The following VASP variants were observed in gnomAD, a reference collection of about 807,000 sequenced individuals.
VASP encodes vasodilator-stimulated phosphoprotein.
Under a neutral mutation model 54.4 loss-of-function variants are expected in VASP, and 27 were observed. The ratio of observed to expected loss-of-function variants is 0.50; its 90% CI spans 0.37 to 0.68. The LOEUF (loss-of-function observed/expected upper bound fraction) is 0.68, where lower values mean the gene tolerates loss of function less well. VASP is among the 30% of genes least tolerant of loss of function. The pLI is 0.00. For synonymous variants in VASP, 233 were observed against 209.8 expected (o/e 1.11, Z -0.96); for missense variants, 488 against 528.3 (o/e 0.92, Z 0.75).
chr19:45,519,894 CTTTTTTT>C (rs57892194), intron 3 of VASP, among the ~76,000 whole-genome samples: 1,070 of 50,946 alleles, frequency 0.021, 12 homozygotes, highest in South Asian at 0.049. Context: ...TGCGCCCGGC[CTTTTTTT>C]TTTTTTTTTT....
At chr19:45,523,498 A>G in intron 7 of VASP, 146 bp from the exon 8 acceptor site, 1 of 916,460 alleles carries the variant, frequency 1.1e-6, no homozygotes, top group Non-Finnish European at 1.7e-6. Flanking sequence ...CGCCCAGCAC[A>G]ATCTCTTGAA....
chr19:45,513,962 G>C (rs564820973), intron 1 of VASP, among the ~76,000 whole-genome samples: 1 of 152,350 alleles, frequency 6.6e-6, no homozygotes, highest in African/African-American at 2.4e-5. Flanking sequence ...GAACAACTGG[G>C]ACACAAATTT....
chr19:45,509,417 G>A (rs1968555215), intron 1 of VASP, among the ~76,000 whole-genome samples: 1 of 152,034 alleles, frequency 6.6e-6, no homozygotes, highest in Non-Finnish European at 1.5e-5. Flanking sequence ...CCGGTCCCAG[G>A]CTCGGTGGAA....
In VASP at chr19:45,524,718, C is replaced by T. The variant is rs1968922457; in HGVS notation, c.1047+58C>T. The T allele has an allele frequency of 7.3e-6, 11 of 1,509,200 alleles. No homozygotes were observed. The East Asian group carries it at 1.4e-4, about 19-fold the overall frequency. 93.5% of individuals were successfully genotyped at this position (1,509,200 alleles called of 1,614,324 possible). ...AGAGAGATCTAGGTCTGGCCCCTGCCACTGGCATGCCGTATGATCCTAGAT... is the reference window on the plus strand; with the variant it reads ...AGAGAGATCTAGGTCTGGCCCCTGCTACTGGCATGCCGTATGATCCTAGAT... On this transcript the variant is annotated intron_variant, in intron 11 of 12. Coordinates refer to ENST00000245932, the MANE Select transcript of VASP (RefSeq NM_003370.4).
chr19:45,523,555 A>G (rs1968891711), intron 7 of VASP, 89 bp from the exon 8 acceptor site: 3 of 1,454,664 alleles, frequency 2.1e-6, no homozygotes, highest in Admixed American at 2.1e-5. Flanking sequence ...CCAGAATTCT[A>G]TGCGCTAGGA....
At chr19:45,517,291 C>G (rs1968723408) in intron 1 of VASP, among the ~76,000 whole-genome samples, 1 of 151,960 alleles carries the variant, frequency 6.6e-6, no homozygotes, top group Admixed American at 6.6e-5. Context: ...CACGCCAAGA[C>G]CATCTTTATC....
At chr19:45,522,019 T>G (rs1968846387) in intron 4 of VASP, 149 bp from the exon 5 acceptor site, 1 of 967,910 alleles carries the variant, frequency 1.0e-6, no homozygotes, top group African/African-American at 1.6e-5. Context: ...CCAGCCCCCT[T>G]CTTGGTTCCC....
intron 4 of VASP, among the ~76,000 whole-genome samples, chr19:45,521,640 G>A (rs944573895): frequency 9.2e-5 from 14 of 152,250 alleles, no homozygotes; most frequent in African/African-American, 2.9e-4. Flanking sequence ...TGTAATCCCA[G>A]CACTCTGGGA....
At chr19:45,509,525 C>CACCACT (rs1220451858) in intron 1 of VASP, among the ~76,000 whole-genome samples, 5 of 152,290 alleles carry the variant, frequency 3.3e-5, no homozygotes, top group African/African-American at 1.2e-4. Flanking sequence ...TCCCCACCAC[C>CACCACT]ACCACCACCA....
chr19:45,525,995 T>C lies in VASP; in HGVS notation c.1097T>C (p.Ile366Thr), dbSNP rs748344463. The C allele has an allele frequency of 6.2e-7, 1 of 1,613,958 alleles. No homozygotes were observed. The highest frequency in any genetic ancestry group is 8.5e-7 in the Non-Finnish European group (1 of 1,179,980). ...KKELQKVKEE[I>T]IEAFVQELRK... ...GAATTGCAGAAAGTGAAAGAGGAAA[T>C]CATTGAAGGTGAGGTGGTTTGCTTT... is the stretch of plus-strand genomic sequence containing the variant. Residue 366 changes from isoleucine to threonine, a missense_variant, in exon 12 of 13, where the codon ATC becomes ACC. By Grantham distance (89) the Ile-to-Thr change is moderately conservative. Around this residue, in one of 4 missense-constraint regions of VASP, gnomAD observed 126 missense variants for 134.8 expected, o/e 0.94. Coordinates refer to ENST00000245932, the MANE Select transcript of VASP (RefSeq NM_003370.4).
rs1032226136 is a variant in VASP at position 45,507,616 on chromosome 19, C to T, written c.-156C>T. ...CGGCGCCCGGAGACCCGCCCCGGCC[C>T]GGTCCACATTCTCCCCAGGAAGCCG... On this transcript the variant is annotated 5_prime_UTR_variant, in exon 1 of 13. Coordinates refer to ENST00000245932, the MANE Select transcript of VASP (RefSeq NM_003370.4). The surrounding 1 kb of genome is among the most constrained non-coding windows in gnomAD (Gnocchi z 4.4). 4 of 906,974 alleles carry T rather than the reference C, an allele frequency of 4.4e-6. No homozygotes were observed. The highest frequency in any genetic ancestry group is 1.7e-5 in the South Asian group (1 of 57,278). The allele number at this position is 906,974 out of a possible 1,614,324, so 56.2% of individuals were successfully genotyped here. A position where few individuals can be genotyped will look rare whatever the true frequency, so the allele number is the denominator to read the frequency against.
At chr19:45,515,965 A>G (rs767701737) in intron 1 of VASP, among the ~76,000 whole-genome samples, 7 of 152,302 alleles carry the variant, frequency 4.6e-5, no homozygotes, top group Non-Finnish European at 7.4e-5. Context: ...CCTGAGTCAC[A>G]TGAAGTAGGT....
chr19:45,510,932 C>CA (rs750711575), intron 1 of VASP, among the ~76,000 whole-genome samples: 37,887 of 108,762 alleles, frequency 0.35, 5,453 homozygotes, highest in African/African-American at 0.39. Context: ...GACCCTGTCT[C>CA]AAAAAAAAAA....
intron 12 of VASP, 27 bp from the exon 13 acceptor site, chr19:45,526,112 CT>C (rs761570447): frequency 6.2e-7 from 1 of 1,613,934 alleles, no homozygotes; most frequent in African/African-American, 1.3e-5. Context: ...GACTCTGCCC[CT>C]GACCTCTGCT....
At chr19:45,519,166 C>T (rs1968771189) in intron 3 of VASP, among the ~76,000 whole-genome samples, 1 of 152,204 alleles carries the variant, frequency 6.6e-6, no homozygotes, top group African/African-American at 2.4e-5. Context: ...AGGCGTGAGC[C>T]ACCACACCCG....
intron 12 of VASP, 35 bp from the exon 13 acceptor site, chr19:45,526,103 ACT>A (rs751510757): frequency 1.7e-5 from 28 of 1,613,370 alleles, no homozygotes; most frequent in Non-Finnish European, 2.3e-5. Flanking sequence ...GGAGGCAGAG[ACT>A]CTGCCCCTGA....
chr19:45,510,880 T>C (rs576955538), intron 1 of VASP, among the ~76,000 whole-genome samples: 2 of 145,344 alleles, frequency 1.4e-5, no homozygotes, highest in South Asian at 2.2e-4. Context: ...CCGCAATGAG[T>C]CATATTCTTG....
Position 45,507,934 on chromosome 19 carries a change from G to A in VASP, c.5+158G>A, listed in dbSNP as rs1968521446. Among the ~76,000 whole-genome samples the A allele has an allele frequency of 6.6e-6, 1 of 152,012 alleles. No homozygotes were observed. Among genetic ancestry groups the A allele is most frequent in the Non-Finnish European group, 1.5e-5 (1 of 67,984 alleles). Reference sequence around the variant, plus strand: ...ATCCCCTTGGACGCGCCCCAGAACCGTCGATCACTTCTCCACGACTGACTC... The same window carrying A: ...ATCCCCTTGGACGCGCCCCAGAACCATCGATCACTTCTCCACGACTGACTC... On this transcript the variant is annotated intron_variant, in intron 1 of 12. Transcript: ENST00000245932. The surrounding 1 kb of genome is among the most constrained non-coding windows in gnomAD (Gnocchi z 4.4).
intron 10 of VASP, 121 bp downstream of exon 10, chr19:45,524,263 G>T: frequency 3.4e-6 from 4 of 1,162,254 alleles, no homozygotes; most frequent in Non-Finnish European, 5.0e-6. Context: ...TTAGCCAGGC[G>T]TGGTAGCACT....
Sources: allele counts gnomAD v4.1 joint callset (sites outside exome capture counted in the v4.1 genomes callset), GRCh38; gene constraint gnomAD v4.1.1; regional missense constraint gnomAD v4.1.1; non-coding constraint Gnocchi (gnomAD v3.1); transcripts MANE v1.5; gene names NCBI Gene and HGNC (gene_info 2026-07-23, HGNC 2026-07-21).